Variants in IL1RAPL2 observed in about 807,000 individuals in gnomAD.
IL1RAPL2 encodes X-linked interleukin-1 receptor accessory protein-like 2.
A neutral mutation model predicts 44.1 loss-of-function variants in IL1RAPL2; 3 were observed. That is an observed-to-expected ratio of 0.07 (90% CI 0.03 to 0.18). The LOEUF is 0.18. Among genes scored for constraint, IL1RAPL2 ranks in the 10% least tolerant of loss-of-function variants. The pLI is 1.00. For missense variants in IL1RAPL2, 391 were observed against 496.4 expected, an observed-to-expected ratio of 0.79 and a Z score of 2.02; for synonymous variants, 181 against 178.8, an observed-to-expected ratio of 1.01 and a Z score of -0.10.
chrX:105,753,234 G>T (rs1250506679), intron 9 of IL1RAPL2, among the ~76,000 whole-genome samples: 3 of 110,980 alleles, frequency 2.7e-5, no homozygotes, highest in Non-Finnish European at 5.7e-5. Flanking sequence ...TGGTCAGATG[G>T]GTAAAGAAGT....
intron 2 of IL1RAPL2, among the ~76,000 whole-genome samples, chrX:104,985,555 A>G (rs1261055602): frequency 8.9e-6 from 1 of 111,992 alleles, no homozygotes; most frequent in East Asian, 2.8e-4. Flanking sequence ...GAGGTTATAC[A>G]TGCTGGGGAT....
chrX:104,999,514 T>G (rs113573505), intron 2 of IL1RAPL2, among the ~76,000 whole-genome samples: 1 of 112,044 alleles, frequency 8.9e-6, no homozygotes, highest in African/African-American at 3.2e-5. Flanking sequence ...AAAAACTTTC[T>G]GGAACTTGAA....
chrX:104,729,591 A>G (rs1164585408), intron 2 of IL1RAPL2, among the ~76,000 whole-genome samples: 3 of 108,380 alleles, frequency 2.8e-5, no homozygotes, highest in Admixed American at 1.0e-4. Context: ...TGTTGTACAG[A>G]TTATTTTGTC....
chrX:105,307,894 G>A (rs1302043454), intron 5 of IL1RAPL2, among the ~76,000 whole-genome samples: 1 of 106,172 alleles, frequency 9.4e-6, no homozygotes. Context: ...ACTTTATGAT[G>A]CAACAAGCTG....
chrX:104,782,944 G>A (rs1304080323), intron 2 of IL1RAPL2, among the ~76,000 whole-genome samples: 1 of 112,026 alleles, frequency 8.9e-6, no homozygotes, highest in Non-Finnish European at 1.9e-5. Flanking sequence ...AGGAGAATAT[G>A]CGGTAAAGAG....
At chrX:105,106,514 A>T (rs2032746054) in intron 2 of IL1RAPL2, among the ~76,000 whole-genome samples, 1 of 111,350 alleles carries the variant, frequency 9.0e-6, no homozygotes, top group Admixed American at 9.6e-5. Flanking sequence ...TCTTGTCAAT[A>T]TGAAATATAG....
intron 6 of IL1RAPL2, among the ~76,000 whole-genome samples, chrX:105,596,997 AC>A (rs1251568912): frequency 1.8e-5 from 2 of 112,028 alleles, no homozygotes; most frequent in Non-Finnish European, 3.8e-5. Flanking sequence ...AAGCTTCTGC[AC>A]AAAAAAGGGA....
chrX:105,744,362 G>A (rs1370573557), intron 8 of IL1RAPL2, among the ~76,000 whole-genome samples: 2 of 111,547 alleles, frequency 1.8e-5, no homozygotes, highest in African/African-American at 3.3e-5. Context: ...GAAAGAGCAA[G>A]AATCCTTATG....
chrX:105,537,838 A>C (rs1469121102), intron 6 of IL1RAPL2, among the ~76,000 whole-genome samples: 1 of 110,414 alleles, frequency 9.1e-6, no homozygotes, highest in African/African-American at 3.3e-5. Flanking sequence ...CCCTGTCCTC[A>C]AATCTACAAT....
intron 6 of IL1RAPL2, among the ~76,000 whole-genome samples, chrX:105,549,833 C>G (rs1200910298): frequency 8.9e-6 from 1 of 111,922 alleles, no homozygotes; most frequent in African/African-American, 3.3e-5. Flanking sequence ...AGACCTGAAC[C>G]TAGAATCCGT....
chrX:104,946,397 A>AAAAAAC (rs1925358911), intron 2 of IL1RAPL2, among the ~76,000 whole-genome samples: 1 of 94,480 alleles, frequency 1.1e-5, no homozygotes, highest in Non-Finnish European at 2.1e-5. Flanking sequence ...AAAAAAAAAA[A>AAAAAAC]AAAAAAAAAA....
At chrX:104,877,748 C>T (rs1011190333) in intron 2 of IL1RAPL2, among the ~76,000 whole-genome samples, 3 of 110,959 alleles carry the variant, frequency 2.7e-5, no homozygotes, top group Non-Finnish European at 3.8e-5. Flanking sequence ...ACATACAGGG[C>T]ATTTTTTTTT....
chrX:105,289,595 T>A (rs1179909303), intron 5 of IL1RAPL2, among the ~76,000 whole-genome samples: 1 of 111,699 alleles, frequency 9.0e-6, no homozygotes, highest in Non-Finnish European at 1.9e-5. Flanking sequence ...CTAGAATAAG[T>A]AATAAGTCAC....
At chrX:105,097,282 G>A (rs747460583) in intron 2 of IL1RAPL2, among the ~76,000 whole-genome samples, 8 of 92,423 alleles carry the variant, frequency 8.7e-5, no homozygotes, top group Admixed American at 2.8e-4. Context: ...AGCCGACATC[G>A]CACCACTGCA....
chrX:105,576,507 G>A (rs754041364), intron 6 of IL1RAPL2, among the ~76,000 whole-genome samples: 88 of 111,468 alleles, frequency 7.9e-4, no homozygotes, highest in African/African-American at 2.8e-3. Flanking sequence ...CAATAGGTCA[G>A]CAGTATATAG....
At chrX:104,762,485 G>T (rs755020481) in intron 2 of IL1RAPL2, among the ~76,000 whole-genome samples, 1 of 111,716 alleles carries the variant, frequency 9.0e-6, no homozygotes, top group Non-Finnish European at 1.9e-5. Flanking sequence ...CCAGACCTAC[G>T]GTGCAAGCTG....
At chrX:105,329,469 A>G (rs1276448524) in intron 5 of IL1RAPL2, among the ~76,000 whole-genome samples, 1 of 112,072 alleles carries the variant, frequency 8.9e-6, no homozygotes, top group Non-Finnish European at 1.9e-5. Context: ...GTCTTAGTCT[A>G]AAGTGAATTT....
chrX:104,904,908 C>T (rs1371253334), intron 2 of IL1RAPL2, among the ~76,000 whole-genome samples: 13 of 111,187 alleles, frequency 1.2e-4, no homozygotes, highest in Non-Finnish European at 2.1e-4. Flanking sequence ...AACTAGTTTA[C>T]ACTCCCACCA....
intron 1 of IL1RAPL2, among the ~76,000 whole-genome samples, chrX:104,609,405 G>A (rs964221221): frequency 2.7e-5 from 3 of 111,896 alleles, no homozygotes; most frequent in Non-Finnish European, 5.6e-5. Context: ...GGTCTGTCTT[G>A]CTAGGTTGGG....
Sources: gnomAD v4.1 joint callset for allele counts (sites outside exome capture counted in the v4.1 genomes callset) on GRCh38, gnomAD v4.1.1 for gene constraint, MANE v1.5 for transcripts, NCBI Gene and HGNC (gene_info 2026-07-23, HGNC 2026-07-21) for gene names.